TOP6BL: variants seen among roughly 807,000 people sequenced by gnomAD.
The protein encoded by TOP6BL is TOP6B like initiator of meiotic double strand breaks.
chr11:66,832,803 C>G, the TOP6BL span, among the ~76,000 whole-genome samples: 8 of 152,188 alleles, frequency 5.3e-5, no homozygotes, highest in Non-Finnish European at 1.2e-4. Context: ...TTAACATCAA[C>G]TTGAAGGTTT....
chr11:66,836,760 G>T, the TOP6BL span, among the ~76,000 whole-genome samples: 1 of 147,180 alleles, frequency 6.8e-6, no homozygotes, highest in Non-Finnish European at 1.5e-5. Context: ...GAGTGAAGTG[G>T]AGCATTCTCA....
At chr11:66,839,352 G>A in the TOP6BL span, 2 of 373,696 alleles carry the variant, frequency 5.4e-6, no homozygotes, top group East Asian at 1.5e-4. Flanking sequence ...AGGCTACACA[G>A]CCAGTAAATG....
chr11:66,796,128 G>A, the TOP6BL span: 1 of 589,842 alleles, frequency 1.7e-6, no homozygotes, highest in Non-Finnish European at 3.0e-6. Context: ...ATTTTCTTTT[G>A]CATACAATTC....
At chr11:66,761,859 T>A in the TOP6BL span, 1 of 931,494 alleles carries the variant, frequency 1.1e-6, no homozygotes, top group Admixed American at 1.7e-5. Context: ...ATCCTCTGGA[T>A]AATGACAGTC....
chr11:66,803,263 A>G, the TOP6BL span, among the ~76,000 whole-genome samples: 3 of 152,104 alleles, frequency 2.0e-5, no homozygotes, highest in Non-Finnish European at 4.4e-5. Flanking sequence ...CCAAAGATTA[A>G]TTTTAGTGGA....
the TOP6BL span, chr11:66,762,240 G>T: frequency 1.7e-6 from 1 of 572,210 alleles, no homozygotes; most frequent in South Asian, 1.8e-5. Flanking sequence ...CAGGGGGCCC[G>T]GCCGCAGAAC....
At chr11:66,838,327 G>A in the TOP6BL span, 2 of 1,581,700 alleles carry the variant, frequency 1.3e-6, no homozygotes, top group Non-Finnish European at 1.7e-6. Flanking sequence ...GCTCGTTCAT[G>A]TTTCTACAAA....
At chr11:66,799,385 CAA>C in the TOP6BL span, among the ~76,000 whole-genome samples, 8 of 112,718 alleles carry the variant, frequency 7.1e-5, no homozygotes, top group African/African-American at 9.8e-5. Flanking sequence ...GACTCCATTT[CAA>C]AAAAAAAAAA....
the TOP6BL span, among the ~76,000 whole-genome samples, chr11:66,796,873 T>C: frequency 6.6e-6 from 1 of 151,854 alleles, no homozygotes; most frequent in African/African-American, 2.4e-5. Flanking sequence ...TTTTTTTTTT[T>C]AGAGAGACAA....
At chr11:66,795,616 T>C in the TOP6BL span, among the ~76,000 whole-genome samples, 1 of 152,032 alleles carries the variant, frequency 6.6e-6, no homozygotes, top group African/African-American at 2.4e-5. Flanking sequence ...ATTTCAAATA[T>C]ATGGATCCTT....
the TOP6BL span, among the ~76,000 whole-genome samples, chr11:66,790,096 TC>T: frequency 6.6e-6 from 1 of 151,822 alleles, no homozygotes; most frequent in East Asian, 1.9e-4. Context: ...CACGGTGAAA[TC>T]CCGTCTCTAC....
chr11:66,839,042 C>A, the TOP6BL span: 1 of 439,196 alleles, frequency 2.3e-6, no homozygotes, highest in South Asian at 1.6e-5. Context: ...GGCACCATGT[C>A]ACTCTTAATG....
chr11:66,805,379 GGAATGTC>G, the TOP6BL span, among the ~76,000 whole-genome samples: 4 of 152,230 alleles, frequency 2.6e-5, no homozygotes, highest in African/African-American at 9.6e-5. Context: ...TTAGGGGCAG[GGAATGTC>G]TAAGGTTGAT....
At chr11:66,822,592 C>T in the TOP6BL span, 5 of 1,552,548 alleles carry the variant, frequency 3.2e-6, no homozygotes, top group African/African-American at 6.8e-5. Flanking sequence ...GCCTCACTCT[C>T]AGTGGCTGTG....
At chr11:66,825,268 C>T in the TOP6BL span, among the ~76,000 whole-genome samples, 1 of 149,760 alleles carries the variant, frequency 6.7e-6, no homozygotes, top group Non-Finnish European at 1.5e-5. Flanking sequence ...CACCTGAGGT[C>T]AGGAGTTCCA....
the TOP6BL span, chr11:66,771,419 C>T: frequency 6.6e-6 from 1 of 152,386 alleles, no homozygotes; most frequent in South Asian, 2.1e-4. Context: ...TTGAGACCAT[C>T]CTGGCTAACA....
At chr11:66,780,818 G>A in the TOP6BL span, among the ~76,000 whole-genome samples, 1 of 152,112 alleles carries the variant, frequency 6.6e-6, no homozygotes, top group Non-Finnish European at 1.5e-5. Flanking sequence ...CTGGCCTCAA[G>A]CGATCCACCT....
chr11:66,802,255 C>T, the TOP6BL span, among the ~76,000 whole-genome samples: 4 of 151,978 alleles, frequency 2.6e-5, no homozygotes, highest in Admixed American at 6.6e-5. Context: ...CTGGTTCAAG[C>T]GATTCTCCTG....
chr11:66,785,601 C>T, the TOP6BL span, among the ~76,000 whole-genome samples: 3 of 151,702 alleles, frequency 2.0e-5, no homozygotes, highest in African/African-American at 4.9e-5. Flanking sequence ...TAGGATTAAT[C>T]TTTGTATGGG....
Sources: allele counts gnomAD v4.1 joint callset (sites outside exome capture counted in the v4.1 genomes callset), GRCh38; gene constraint gnomAD v4.1.1; transcripts MANE v1.5; gene names NCBI Gene and HGNC (gene_info 2026-07-23, HGNC 2026-07-21).